The following FOXR1 variants were observed in gnomAD, a reference collection of about 807,000 sequenced individuals.
FOXR1 encodes the protein forkhead box protein R1.
Under a neutral mutation model 34.5 loss-of-function variants are expected in FOXR1, and 25 were observed. The observed-to-expected ratio is 0.72, with a 90% CI of 0.53 to 1.01. The LOEUF (loss-of-function observed/expected upper bound fraction) is 1.01, where lower values mean the gene tolerates loss of function less well. Among genes scored for constraint, FOXR1 ranks in the 50% least tolerant of loss-of-function variants. The pLI, the probability that FOXR1 is intolerant of heterozygous loss-of-function variation, is 0.00. For synonymous variants in FOXR1, 153 were observed against 141.6 expected (o/e 1.08, Z -0.57); for missense variants, 373 against 376.2 (o/e 0.99, Z 0.07).
intron 4 of FOXR1, chr11:118,980,248 T>C (rs1941837438): frequency 3.0e-6 from 2 of 674,328 alleles, no homozygotes; most frequent in Non-Finnish European, 2.7e-6. Flanking sequence ...GGCCTGATTC[T>C]GCTTTGTTCA....
chr11:118,976,650 G>T (rs1267073614), intron 1 of FOXR1, among the ~76,000 whole-genome samples: 1 of 152,232 alleles, frequency 6.6e-6, no homozygotes, highest in Non-Finnish European at 1.5e-5. Context: ...GTAAGGTCGA[G>T]TAAATTGTGG....
chr11:118,975,286 T>C (rs564256605), intron 1 of FOXR1, among the ~76,000 whole-genome samples: 1 of 152,288 alleles, frequency 6.6e-6, no homozygotes, highest in African/African-American at 2.4e-5. Context: ...AGGTCCCTGG[T>C]TAGTGGTTTT....
In FOXR1 at chr11:118,981,198, TTTC is replaced by T; in HGVS notation, c.851-7_851-5del. 1 of 1,614,104 alleles carries T rather than the reference TTTC, an allele frequency of 6.2e-7. No individual in the cohort carries two copies. The highest frequency in any genetic ancestry group is 1.1e-5 in the South Asian group (1 of 91,080). ...AGTATAAACTCCTGAACTCTCTCCT[TTTC>T]TTACAGATGTGATGCCCTTCCTCTT... On this transcript the variant is annotated splice_region_variant and splice_polypyrimidine_tract_variant and intron_variant, in intron 5 of 5. Transcript: ENST00000317011.
Position 118,980,471 on chromosome 11 carries a change from C to T in FOXR1, c.612-19C>T, listed in dbSNP as rs199679176. 2 of 1,612,632 alleles carry T rather than the reference C, an allele frequency of 1.2e-6. No individual in the cohort carries two copies. The highest frequency in any genetic ancestry group is 1.7e-6 in the Non-Finnish European group (2 of 1,178,836). ...CCAGACATAACATGCCTTTCCTTACCTCTCCTCCCTGTCCATAGAAAGCAC... is the reference window on the plus strand; with the variant it reads ...CCAGACATAACATGCCTTTCCTTACTTCTCCTCCCTGTCCATAGAAAGCAC... On this transcript the variant is annotated intron_variant, in intron 4 of 5. Coordinates refer to ENST00000317011, the MANE Select transcript of FOXR1 (RefSeq NM_181721.3).
At chr11:118,979,371 C>T (rs903726938) in intron 3 of FOXR1, 71 bp from the exon 4 acceptor site, 5 of 1,485,580 alleles carry the variant, frequency 3.4e-6, no homozygotes, top group African/African-American at 2.8e-5. Flanking sequence ...AGACCACCCC[C>T]CCTTCCTGCC....
In FOXR1 at chr11:118,979,163, C is replaced by A; in HGVS notation, c.343C>A (p.Pro115Thr). 1.3e-6 allele frequency: 2 copies of A among 1,551,924 alleles called. No homozygotes were observed. The highest frequency in any genetic ancestry group is 1.2e-5 in the South Asian group (1 of 80,646). Residue 115 changes from proline to threonine, a missense_variant, in exon 3 of 6, where the codon CCC becomes ACC. Pro to Thr is a conservative substitution (Grantham distance 38). Transcript: ENST00000317011. ...SLSQSSSKRSPPRKRFAFSPS... is the reference protein window; with the variant it reads ...SLSQSSSKRSTPRKRFAFSPS... ...GTCCCAGTCCTCCAGCAAGCGGTCT[C>A]CCCCTCGGAAGCGGTTTGCCTTTTC...
chr11:118,977,467 A>C (rs900097239), intron 1 of FOXR1, among the ~76,000 whole-genome samples: 11 of 152,158 alleles, frequency 7.2e-5, no homozygotes, highest in African/African-American at 2.4e-4. Flanking sequence ...TGAGATGGGA[A>C]GATTGCTTGA....
intron 1 of FOXR1, 55 bp downstream of exon 1, chr11:118,972,047 G>A: frequency 1.4e-6 from 2 of 1,433,118 alleles, no homozygotes; most frequent in South Asian, 1.2e-5. Flanking sequence ...GGTGGCCTAG[G>A]GGCTCGCGGG....
intron 3 of FOXR1, 73 bp downstream of exon 3, chr11:118,979,277 T>A (rs1287920353): frequency 3.3e-6 from 5 of 1,501,420 alleles, no homozygotes; most frequent in East Asian, 2.3e-5. Flanking sequence ...ATTACAGTTC[T>A]GCTCTCTTAG....
At chr11:118,979,753 T>C (rs1941831261) in intron 4 of FOXR1, 85 bp downstream of exon 4, 2 of 1,284,394 alleles carry the variant, frequency 1.6e-6, no homozygotes, top group Admixed American at 5.1e-5. Context: ...AGGCCCTGGG[T>C]TGCTGACCTG....
At chr11:118,980,240 C>A (rs1338112524) in intron 4 of FOXR1, 2 of 666,382 alleles carry the variant, frequency 3.0e-6, no homozygotes, top group South Asian at 3.0e-5. Flanking sequence ...AGCTGCTTGG[C>A]CTGATTCTGC....
intron 1 of FOXR1, among the ~76,000 whole-genome samples, chr11:118,976,486 G>A (rs543583): frequency 0.056 from 8,489 of 152,322 alleles, 541 homozygotes; most frequent in East Asian, 0.28. Context: ...ACAGGCATGA[G>A]CCGCTGCACC....
Position 118,979,672 on chromosome 11 carries a change from T to C in FOXR1, c.611+4T>C. ...AACAGATCTACAGTTTCACTCGGTA[T>C]GTGCCGGGGGCCCTGCGAGGAGGGG... On this transcript the variant is annotated splice_donor_region_variant and intron_variant, in intron 4 of 5. Transcript: ENST00000317011. The C allele has an allele frequency of 6.3e-7, 1 of 1,585,960 alleles. No individual in the cohort carries two copies. The highest frequency in any genetic ancestry group is 1.8e-5 in the Admixed American group (1 of 56,654).
Position 118,981,283 on chromosome 11 carries a change from C to G in FOXR1, c.*47C>G, listed in dbSNP as rs1941859400. On this transcript the variant is annotated 3_prime_UTR_variant, in exon 6 of 6. Transcript: ENST00000317011. ...TAATGCTTTATTAAAATTACCCTCA[C>G]TAGCCTTCTGTGTGTGTCTGTGGAG... The G allele has an allele frequency of 5.6e-6, 9 of 1,596,542 alleles. No individual in the cohort carries two copies. The highest frequency in any genetic ancestry group is 7.7e-6 in the Non-Finnish European group (9 of 1,164,096).
rs1231046364 is a variant in FOXR1, at chr11:118,978,788, G to A, written c.68G>A (p.Arg23Lys). The A allele has an allele frequency of 1.2e-6, 2 of 1,614,134 alleles. No individual in the cohort carries two copies. Among genetic ancestry groups the A allele is most frequent in the Admixed American group, 3.3e-5 (2 of 60,002 alleles). ...CTGTCTTTCTTTTTGCCAGTTGCCA[G>A]GTATAAACTCCGAATTGTTAAGCCA... ...HLPLAEQKLA[R>K]YKLRIVKPPK... Residue 23 changes from arginine (R) to lysine (K), a missense_variant, in exon 2 of 6, where the codon AGG becomes AAG. Coordinates refer to ENST00000317011, the MANE Select transcript of FOXR1 (RefSeq NM_181721.3).
At chr11:118,972,139 C>CCA (rs1555180690) in intron 1 of FOXR1, 147 bp downstream of exon 1, 14 of 705,114 alleles carry the variant, frequency 2.0e-5, no homozygotes, top group Middle Eastern at 8.4e-4. Context: ...GCCCCCCCCC[C>CCA]CCGACGGCTT....
rs1941707437 is a variant in FOXR1 at position 118,971,881 on chromosome 11, G to A, written c.-51G>A. The A allele has an allele frequency of 1.9e-6, 3 of 1,544,104 alleles. No individual in the cohort carries two copies. Among genetic ancestry groups the A allele is most frequent in the Admixed American group, 2.0e-5 (1 of 50,978 alleles). On this transcript the variant is annotated 5_prime_UTR_variant, in exon 1 of 6. Coordinates refer to ENST00000317011, the MANE Select transcript of FOXR1 (RefSeq NM_181721.3). ...GGTGGACGTGAAGCTCCAACACCTCGACTTCTGGGCCCGCCTCCATGGCCA... is the reference window on the plus strand; with the variant it reads ...GGTGGACGTGAAGCTCCAACACCTCAACTTCTGGGCCCGCCTCCATGGCCA...
chr11:118,974,439 G>C (rs998782688), intron 1 of FOXR1, among the ~76,000 whole-genome samples: 1 of 152,120 alleles, frequency 6.6e-6, no homozygotes, highest in Non-Finnish European at 1.5e-5. Context: ...TCCTGGACTC[G>C]AGCAATCCTC....
intron 1 of FOXR1, among the ~76,000 whole-genome samples, chr11:118,977,563 A>C (rs1420098557): frequency 6.6e-6 from 1 of 151,876 alleles, no homozygotes; most frequent in African/African-American, 2.4e-5. Context: ...CTCCAAAAAA[A>C]CCCCAATTTT....
Sources: allele counts gnomAD v4.1 joint callset (sites outside exome capture counted in the v4.1 genomes callset), GRCh38; gene constraint gnomAD v4.1.1; transcripts MANE v1.5; gene names NCBI Gene and HGNC (gene_info 2026-07-23, HGNC 2026-07-21).